NUMBL: variants seen among roughly 807,000 people sequenced by gnomAD.
The protein encoded by NUMBL is numb-like protein.
In NUMBL, 20 loss-of-function variants were observed where a neutral mutation model predicts 48.9. The observed-to-expected ratio is 0.41, with a 90% CI of 0.29 to 0.59. The LOEUF (loss-of-function observed/expected upper bound fraction) is 0.59, where lower values mean the gene tolerates loss of function less well. Among genes scored for constraint, NUMBL ranks in the 20% least tolerant of loss-of-function variants. NUMBL has a pLI of 0.31. For synonymous variants in NUMBL, 340 were observed against 348.7 expected (o/e 0.98, Z 0.28); for missense variants, 660 against 846.2 (o/e 0.78, Z 2.73).
At chr19:40,677,201 G>T in intron 7 of NUMBL, 31 bp downstream of exon 7, 2 of 1,547,882 alleles carry the variant, frequency 1.3e-6, no homozygotes, top group Non-Finnish European at 8.7e-7. Context: ...TGCCCACTCT[G>T]TGCTCTGCTG....
At chr19:40,683,029 T>G in intron 3 of NUMBL, 61 bp from the exon 4 acceptor site, 2 of 1,434,038 alleles carry the variant, frequency 1.4e-6, no homozygotes, top group Non-Finnish European at 2.0e-6. Flanking sequence ...TCATTCTCAG[T>G]GTCCACTGAG....
rs2081858694 is a variant in NUMBL, at chr19:40,673,479, C to T, written c.901G>A (p.Val301Ile). 6.3e-7 allele frequency: 1 copy of T among 1,597,878 alleles called. No individual in the cohort carries two copies. The highest frequency in any genetic ancestry group is 8.5e-7 in the Non-Finnish European group (1 of 1,172,618). The change falls in exon 8 of 10, where the codon GTT becomes ATT. Residue 301 changes from valine to isoleucine, a missense_variant. Around this residue, in one of 3 missense-constraint regions of NUMBL, gnomAD observed 278 missense variants for 420.6 expected, o/e 0.66. Transcript: ENST00000252891. The surrounding 1 kb of genome is among the most constrained non-coding windows in gnomAD (Gnocchi z 5.9). Reference protein sequence around the residue: ...PRRHAPLEQLVRQGSFRGFPA... With the variant: ...PRRHAPLEQLIRQGSFRGFPA... ...AACCCACGGAAGGAGCCCTGGCGAA[C>T]CAGCTGCTCCAGGGGTGCATGGCGC...
At position 40,673,305 on chromosome 19, in the gene NUMBL, T is replaced by C. The variant is rs778439479; in HGVS notation, c.1036+39A>G. 3 of 1,559,580 alleles carry C rather than the reference T, an allele frequency of 1.9e-6. No individual in the cohort carries two copies. Among genetic ancestry groups the C allele is most frequent in the East Asian group, 2.3e-5 (1 of 44,004 alleles). ...CCTTGCCCACATCAGATAGTGCCAA[T>C]TGATTCCAACGCCGTTTCCCACTGG... On this transcript the variant is annotated intron_variant, in intron 8 of 9. Coordinates refer to ENST00000252891, the MANE Select transcript of NUMBL (RefSeq NM_004756.5). This position sits in a 1 kb window ranked among gnomAD's most constrained non-coding sequence, Gnocchi z 5.9.
Position 40,677,429 on chromosome 19 carries a change from G to A in NUMBL, c.541-8C>T, listed in dbSNP as rs1415911400. ...GTGGCTCAGCCTCTCGCCCTATGGG[G>A]AGAGGATGGGCGGGGGGGTTAGAGG... On this transcript the variant is annotated splice_region_variant and splice_polypyrimidine_tract_variant and intron_variant, in intron 6 of 9. Transcript: ENST00000252891. The A allele has an allele frequency of 6.2e-7, 1 of 1,605,052 alleles. No individual in the cohort carries two copies. Among genetic ancestry groups the A allele is most frequent in the Non-Finnish European group, 8.5e-7 (1 of 1,178,704 alleles).
Position 40,682,694 on chromosome 19 carries a change from G to A in NUMBL, c.399+34C>T. On this transcript the variant is annotated intron_variant, in intron 5 of 9. Transcript: ENST00000252891. The surrounding 1 kb of genome is among the most constrained non-coding windows in gnomAD (Gnocchi z 4.0). ...CTGATTCCAGCAGGGTGAGCAGACA[G>A]GCCCCCTGGCGTCCACCCCCACAGG... 1.2e-6 allele frequency: 2 copies of A among 1,605,500 alleles called. No homozygotes were observed. Among genetic ancestry groups the A allele is most frequent in the Non-Finnish European group, 1.7e-6 (2 of 1,173,858 alleles).
chr19:40,683,558 A>C (rs2081916736), intron 3 of NUMBL, among the ~76,000 whole-genome samples: 2 of 152,204 alleles, frequency 1.3e-5, no homozygotes, highest in Admixed American at 1.3e-4. Context: ...AAGGGAACGT[A>C]AGGTGGTGGA....
chr19:40,670,287 C>G (rs188820472), intron 8 of NUMBL, among the ~76,000 whole-genome samples: 1 of 152,164 alleles, frequency 6.6e-6, no homozygotes, highest in Non-Finnish European at 1.5e-5. Context: ...TGGCCACAAA[C>G]CAGAAGAGTT....
intron 2 of NUMBL, chr19:40,685,571 G>C (rs771609998): frequency 6.5e-6 from 1 of 153,866 alleles, no homozygotes; most frequent in African/African-American, 2.4e-5. Flanking sequence ...GAGTGGTTGT[G>C]AGTGTGTGTC....
At chr19:40,690,247 G>A (rs1389529418) in intron 1 of NUMBL, 1 of 369,070 alleles carries the variant, frequency 2.7e-6, no homozygotes, top group Non-Finnish European at 4.8e-6. Context: ...CTATTTCCAG[G>A]GCCTTGGCAA....
intron 1 of NUMBL, among the ~76,000 whole-genome samples, chr19:40,689,863 C>T (rs981221780): frequency 5.9e-5 from 9 of 151,762 alleles, no homozygotes; most frequent in Non-Finnish European, 1.3e-4. Flanking sequence ...GGGGTGGAGT[C>T]CCAGGCACAG....
chr19:40,679,680 A>G (rs936485368), intron 6 of NUMBL, among the ~76,000 whole-genome samples: 7 of 152,222 alleles, frequency 4.6e-5, no homozygotes, highest in African/African-American at 1.7e-4. Context: ...CTCTGTTTCA[A>G]AAACAAACAA....
At chr19:40,689,130 T>G (rs963858028) in intron 1 of NUMBL, among the ~76,000 whole-genome samples, 8 of 151,836 alleles carry the variant, frequency 5.3e-5, no homozygotes, top group African/African-American at 1.9e-4. Context: ...CATAGACAAC[T>G]CCACTCACAC....
chr19:40,688,861 C>T lies in NUMBL; in HGVS notation c.24+1599G>A, dbSNP rs2081947225. On this transcript the variant is annotated intron_variant, in intron 1 of 9. Transcript: ENST00000252891. The surrounding 1 kb of genome is among the most constrained non-coding windows in gnomAD (Gnocchi z 4.6). ...ATACACACAATCACTCGTTATCACA[C>T]ACACTGCTAGATACAGTCATTTATA... 6.6e-6 allele frequency among the ~76,000 whole-genome samples: 1 copy of T among 152,212 alleles called. No homozygotes were observed. Among genetic ancestry groups the T allele is most frequent in the Non-Finnish European group, 1.5e-5 (1 of 68,034 alleles).
chr19:40,687,626 G>A lies in NUMBL; in HGVS notation c.25-631C>T, dbSNP rs1174279682. On this transcript the variant is annotated intron_variant, in intron 1 of 9. Coordinates refer to ENST00000252891, the MANE Select transcript of NUMBL (RefSeq NM_004756.5). This position sits in a 1 kb window ranked among gnomAD's most constrained non-coding sequence, Gnocchi z 4.6. Reference sequence around the variant, plus strand: ...AGAACGGGGCCCAGACAACCCACTAGAGCCGCACATGCGTGGCCACACCCA... The same window carrying A: ...AGAACGGGGCCCAGACAACCCACTAAAGCCGCACATGCGTGGCCACACCCA... 6.6e-6 allele frequency among the ~76,000 whole-genome samples: 1 copy of A among 152,098 alleles called. No homozygotes were observed. The highest frequency in any genetic ancestry group is 1.5e-5 in the Non-Finnish European group (1 of 68,040).
rs1599907258 is a variant in NUMBL at position 40,677,343 on chromosome 19, C to T, written c.619G>A (p.Gly207Arg). The T allele has an allele frequency of 6.2e-7, 1 of 1,612,346 alleles. No homozygotes were observed. Among genetic ancestry groups the T allele is most frequent in the Non-Finnish European group, 8.5e-7 (1 of 1,179,922 alleles). Residue 207 changes from glycine (G) to arginine (R), a missense_variant, in exon 7 of 10, where the codon GGG becomes AGG. Physicochemically the swap from Gly to Arg is moderately radical, Grantham distance 125 (BLOSUM62 -2). Around this residue, in one of 3 missense-constraint regions of NUMBL, gnomAD observed 278 missense variants for 420.6 expected, o/e 0.66. Coordinates refer to ENST00000252891, the MANE Select transcript of NUMBL (RefSeq NM_004756.5). ...CTGGCATCGAAGGCGGCCGTGACCC[C>T]ACATTCCTTCTCCCGTCGCTGTTTT... Reference protein sequence around the residue: ...ERKQRREKECGVTAAFDASRT... With the variant: ...ERKQRREKECRVTAAFDASRT...
Position 40,668,040 on chromosome 19 carries a change from C to A in NUMBL, c.1258G>T (p.Val420Leu). 2 of 1,580,768 alleles carry A rather than the reference C, an allele frequency of 1.3e-6. No homozygotes were observed. The highest frequency in any genetic ancestry group is 1.7e-6 in the Non-Finnish European group (2 of 1,163,794). Reference sequence around the variant, plus strand: ...TGCTGGGCCTTGGCCACCTGTGACACCTCCTCCAGCCATCGCTCAGCCTCT... The same window carrying A: ...TGCTGGGCCTTGGCCACCTGTGACAACTCCTCCAGCCATCGCTCAGCCTCT... ...PSEAERWLEE[V>L]SQVAKAQQQQ... The change falls in exon 10 of 10, where the codon GTG becomes TTG. Residue 420 changes from valine (V) to leucine (L), a missense_variant. Physicochemically the swap from Val to Leu is conservative, Grantham distance 32. Coordinates refer to ENST00000252891, the MANE Select transcript of NUMBL (RefSeq NM_004756.5).
intron 2 of NUMBL, chr19:40,685,214 G>C (rs1689591073): frequency 6.5e-6 from 1 of 154,512 alleles, no homozygotes; most frequent in South Asian, 2.0e-4. Flanking sequence ...GTGTGGAGTG[G>C]GTGTGGAGGT....
At chr19:40,671,664 C>T (rs1354849842) in intron 8 of NUMBL, among the ~76,000 whole-genome samples, 2 of 152,168 alleles carry the variant, frequency 1.3e-5, no homozygotes, top group African/African-American at 2.4e-5. Flanking sequence ...TTTGGAGCAG[C>T]CCAGCCTCCT....
intron 6 of NUMBL, among the ~76,000 whole-genome samples, chr19:40,677,846 T>TA (rs1480223019): frequency 6.6e-6 from 1 of 151,730 alleles, no homozygotes; most frequent in African/African-American, 2.4e-5. Flanking sequence ...AGATTCTGTC[T>TA]AAAAAAAAGT....
Sources: gnomAD v4.1 joint callset for allele counts (sites outside exome capture counted in the v4.1 genomes callset) on GRCh38, gnomAD v4.1.1 for gene constraint, gnomAD v4.1.1 regional missense constraint, Gnocchi (gnomAD v3.1) non-coding constraint, MANE v1.5 for transcripts, NCBI Gene and HGNC (gene_info 2026-07-23, HGNC 2026-07-21) for gene names.